The following SLTM variants were observed in gnomAD, a reference collection of about 807,000 sequenced individuals.
SLTM encodes the protein SAFB-like transcription modulator.
In SLTM, 43 loss-of-function variants were observed where a neutral mutation model predicts 134.6. The ratio of observed to expected loss-of-function variants is 0.32; its 90% CI spans 0.25 to 0.41. SLTM has a LOEUF of 0.41. Among genes scored for constraint, SLTM ranks in the 10% least tolerant of loss-of-function variants. SLTM has a pLI of 1.00. For synonymous variants in SLTM, 424 were observed against 432.3 expected (o/e 0.98, Z 0.24); for missense variants, 1,055 against 1,288.8 (o/e 0.82, Z 2.78).
rs368022955 is a variant in SLTM, at chr15:58,912,536, A to C, written c.561+27T>G. 215 of 1,601,150 alleles carry C rather than the reference A, an allele frequency of 1.3e-4. 1 individual carries two copies. The highest frequency in any genetic ancestry group is 1.8e-4 in the Non-Finnish European group (205 of 1,168,640). On this transcript the variant is annotated intron_variant, in intron 5 of 20. Coordinates refer to ENST00000380516, the MANE Select transcript of SLTM (RefSeq NM_024755.4). The stretch of plus-strand genomic sequence containing the variant: ...CCAAGCCCGTCCACCCACAATATCG[A>C]ATTCATAGGACTAAATGTAAACTTA...
intron 1 of SLTM, among the ~76,000 whole-genome samples, chr15:58,933,118 C>T (rs1313766230): frequency 6.6e-6 from 1 of 152,040 alleles, no homozygotes; most frequent in African/African-American, 2.4e-5. Context: ...CCGCGCCGGC[C>T]GGCCGCAACC....
chr15:58,927,055 A>C (rs147707381), intron 2 of SLTM, among the ~76,000 whole-genome samples: 1 of 152,302 alleles, frequency 6.6e-6, no homozygotes, highest in African/African-American at 2.4e-5. Context: ...TAAAAGGATG[A>C]TGCAATGATT....
At chr15:58,908,061 TC>T (rs1300677557) in intron 5 of SLTM, among the ~76,000 whole-genome samples, 10 of 84,476 alleles carry the variant, frequency 1.2e-4, no homozygotes, top group Non-Finnish European at 1.7e-4. Flanking sequence ...TCTTTTTCTT[TC>T]TTTTTTTTTT....
chr15:58,887,327 A>T lies in SLTM; in HGVS notation c.2589T>A (p.Asp863Glu), dbSNP rs1346675688. 2 of 1,613,762 alleles carry T rather than the reference A, an allele frequency of 1.2e-6. No homozygotes were observed. The highest frequency in any genetic ancestry group is 2.7e-5 in the African/African-American group (2 of 74,828). Residue 863 changes from aspartate to glutamate, a missense_variant, in exon 18 of 21, where the codon GAT becomes GAA. Asp to Glu is a conservative substitution (Grantham distance 45, BLOSUM62 2). Transcript: ENST00000380516. Reference protein sequence around the residue: ...RRTVIIHDRPDITHPRHPREA... With the variant: ...RRTVIIHDRPEITHPRHPREA... ...CTCGAGGATGTCTAGGATGAGTGAT[A>T]TCAGGCCTGTCATGAATAATCACCG...
rs778339849 is a variant in SLTM, at chr15:58,883,664, G to A, written c.2958C>T (p.Asp986=). The A allele has an allele frequency of 3.2e-5, 51 of 1,613,966 alleles. No homozygotes were observed. Among genetic ancestry groups the A allele is most frequent in the Admixed American group, 2.8e-4 (17 of 60,000 alleles). Residue 986 remains aspartate (D), a synonymous_variant, in exon 20 of 21, where the codon GAC becomes GAT. Coordinates refer to ENST00000380516, the MANE Select transcript of SLTM (RefSeq NM_024755.4). ...TTATCATGCCTGCTCCTGCCCGGCC[G>A]TCACCCATTCGCCTCGTATCATGAT... ...PSYHDTRRMG[D]GRAGAGMITQ...
chr15:58,930,599 G>C (rs2037804247), intron 2 of SLTM, among the ~76,000 whole-genome samples: 1 of 151,670 alleles, frequency 6.6e-6, no homozygotes, highest in Non-Finnish European at 1.5e-5. Context: ...TGTAGTCCCA[G>C]CTACCAGGGA....
intron 8 of SLTM, 34 bp downstream of exon 8, chr15:58,898,769 A>G: frequency 6.7e-7 from 1 of 1,503,386 alleles, no homozygotes; most frequent in South Asian, 1.2e-5. Context: ...ACACAATGTC[A>G]ACACTGAAAT....
chr15:58,915,041 AT>A (rs2036530972), intron 3 of SLTM, among the ~76,000 whole-genome samples: 2 of 152,104 alleles, frequency 1.3e-5, no homozygotes, highest in African/African-American at 4.8e-5. Context: ...AAATACGAAA[AT>A]TAGCCGGGCC....
At chr15:58,889,360 A>G in intron 16 of SLTM, 70 bp downstream of exon 16, 1 of 1,583,496 alleles carries the variant, frequency 6.3e-7, no homozygotes. Context: ...GTACTTTCTA[A>G]TTCTCTAGTC....
chr15:58,884,522 T>C (rs2034022055), intron 19 of SLTM, among the ~76,000 whole-genome samples: 1 of 152,158 alleles, frequency 6.6e-6, no homozygotes, highest in Admixed American at 6.6e-5. Context: ...TTTCACCATG[T>C]TGGCCAGGAT....
chr15:58,933,579 C>A lies in SLTM; in HGVS notation c.-14G>T, dbSNP rs1160275715. Reference sequence around the variant, plus strand: ...AGCGGCAGCCATCTTAGAAGAGCAGCGCGCTGCCGAGGCAGCGAGTGGGCT... The same window carrying A: ...AGCGGCAGCCATCTTAGAAGAGCAGAGCGCTGCCGAGGCAGCGAGTGGGCT... On this transcript the variant is annotated 5_prime_UTR_variant, in exon 1 of 21. Transcript: ENST00000380516. 1.9e-6 allele frequency: 3 copies of A among 1,567,404 alleles called. No individual in the cohort carries two copies. Among genetic ancestry groups the A allele is most frequent in the Non-Finnish European group, 2.6e-6 (3 of 1,158,858 alleles).
At chr15:58,895,482 G>A (rs985996249) in intron 9 of SLTM, among the ~76,000 whole-genome samples, 3 of 152,184 alleles carry the variant, frequency 2.0e-5, no homozygotes, top group African/African-American at 4.8e-5. Flanking sequence ...GAGAGAGAAC[G>A]ATTCGGTGCT....
At position 58,916,996 on chromosome 15, in the gene SLTM, T is replaced by C. The variant is rs1211461999; in HGVS notation, c.254A>G (p.Lys85Arg). Reference protein sequence around the residue: ...PNKKPTKGKGKKHEADELSGD... With the variant: ...PNKKPTKGKGRKHEADELSGD... Reference sequence around the variant, plus strand: ...ACTCAACTCATCTGCTTCATGTTTTTTACCTGCGAAAGAAGGAAAATGGGC... The same window carrying C: ...ACTCAACTCATCTGCTTCATGTTTTCTACCTGCGAAAGAAGGAAAATGGGC... The change falls in exon 3 of 21, where the codon AAA (lysine) becomes AGA (arginine). Residue 85 changes from lysine to arginine, a missense_variant. Lys to Arg is a conservative substitution (Grantham distance 26, BLOSUM62 2). Coordinates refer to ENST00000380516, the MANE Select transcript of SLTM (RefSeq NM_024755.4). The C allele has an allele frequency of 6.2e-6, 10 of 1,613,636 alleles. No individual in the cohort carries two copies. The highest frequency in any genetic ancestry group is 8.5e-6 in the Non-Finnish European group (10 of 1,179,728).
chr15:58,921,256 G>C (rs1363510083), intron 2 of SLTM, among the ~76,000 whole-genome samples: 3 of 152,150 alleles, frequency 2.0e-5, no homozygotes, highest in Non-Finnish European at 4.4e-5. Flanking sequence ...GAGACACTAA[G>C]TCTGAAAAAT....
intron 2 of SLTM, among the ~76,000 whole-genome samples, chr15:58,924,417 A>G (rs1363235696): frequency 6.6e-6 from 1 of 152,206 alleles, no homozygotes; most frequent in Admixed American, 6.5e-5. Flanking sequence ...CCTCTGAGAT[A>G]TGTTTCAGAA....
intron 20 of SLTM, among the ~76,000 whole-genome samples, chr15:58,881,841 C>A (rs2033737164): frequency 6.6e-6 from 1 of 152,004 alleles, no homozygotes; most frequent in African/African-American, 2.4e-5. Context: ...AAGTGATCTA[C>A]CTACCTTGGC....
Position 58,933,628 on chromosome 15 carries a change from A to G in SLTM, c.-63T>C, listed in dbSNP as rs1391672200. ...CTGCAGGGCGGCGGCAGCAGCGCCA[A>G]CTTCCACCCAGGCCTCGGCGGCCGC... On this transcript the variant is annotated 5_prime_UTR_variant, in exon 1 of 21. Transcript: ENST00000380516. The G allele has an allele frequency of 1.4e-6, 2 of 1,445,494 alleles. No individual in the cohort carries two copies. Among genetic ancestry groups the G allele is most frequent in the Non-Finnish European group, 1.8e-6 (2 of 1,100,114 alleles). The allele number at this position is 1,445,494 out of a possible 1,614,324, so 89.5% of individuals were successfully genotyped here.
chr15:58,905,478 G>A (rs995401109), intron 5 of SLTM, among the ~76,000 whole-genome samples: 1 of 152,116 alleles, frequency 6.6e-6, no homozygotes, highest in Non-Finnish European at 1.5e-5. Flanking sequence ...TGAGGCAGGA[G>A]GTTTGCTTGA....
At chr15:58,932,157 T>C in intron 2 of SLTM, 199 bp downstream of exon 2, 1 of 506,734 alleles carries the variant, frequency 2.0e-6, no homozygotes, top group South Asian at 2.5e-5. Flanking sequence ...CACTTTCTAA[T>C]CAGCTTCAGC....
Sources: gnomAD v4.1 joint callset for allele counts (sites outside exome capture counted in the v4.1 genomes callset) on GRCh38, gnomAD v4.1.1 for gene constraint, MANE v1.5 for transcripts, NCBI Gene and HGNC (gene_info 2026-07-23, HGNC 2026-07-21) for gene names.